PLCB1: variants seen among roughly 807,000 people sequenced by gnomAD.
PLCB1 encodes 1-phosphatidylinositol 4,5-bisphosphate phosphodiesterase beta-1.
In PLCB1, 46 loss-of-function variants were observed where a neutral mutation model predicts 161.8. The observed-to-expected ratio is 0.28, with a 90% CI of 0.22 to 0.36. The LOEUF (loss-of-function observed/expected upper bound fraction) is 0.36, where lower values mean the gene tolerates loss of function less well. Ranked by LOEUF, PLCB1 falls within the 10% of genes least tolerant of loss-of-function variation. PLCB1 has a pLI of 1.00. For synonymous variants in PLCB1, 517 were observed against 503.7 expected, an observed-to-expected ratio of 1.03 and a Z score of -0.35; for missense variants, 1,016 against 1,472.5, an observed-to-expected ratio of 0.69 and a Z score of 5.07.
chr20:8,819,671 T>C (rs996866573), intron 31 of PLCB1, among the ~76,000 whole-genome samples: 13 of 152,126 alleles, frequency 8.5e-5, no homozygotes, highest in African/African-American at 3.1e-4. Context: ...CCCGCCCAGA[T>C]ACCAAAACCT....
At chr20:8,519,101 A>C (rs1476978612) in intron 3 of PLCB1, among the ~76,000 whole-genome samples, 1 of 152,142 alleles carries the variant, frequency 6.6e-6, no homozygotes, top group Admixed American at 6.5e-5. Flanking sequence ...GGTTCTTAGC[A>C]GGCCACAGAC....
chr20:8,578,719 C>G (rs1474143569), intron 3 of PLCB1, among the ~76,000 whole-genome samples: 1 of 152,164 alleles, frequency 6.6e-6, no homozygotes, highest in African/African-American at 2.4e-5. Flanking sequence ...CATTCGGGGT[C>G]ATTACAAAAG....
In PLCB1 at chr20:8,793,541, A is replaced by G. The variant is rs1005753239; in HGVS notation, c.3423+3280A>G. Among the ~76,000 whole-genome samples, 11 of 85,806 alleles carry G rather than the reference A, an allele frequency of 1.3e-4. No individual in the cohort carries two copies. The Admixed American group carries it at 1.6e-3, about 12-fold the overall frequency. The allele number at this position is 85,806 out of a possible 152,430, so 56.3% of individuals were successfully genotyped here. A position where few individuals can be genotyped will look rare whatever the true frequency, so the allele number is the denominator to read the frequency against. On this transcript the variant is annotated intron_variant, in intron 31 of 31. Coordinates refer to ENST00000338037, the MANE Select transcript of PLCB1 (RefSeq NM_015192.4). ...ACATCACACGTTGGTAGGATCCGTG[A>G]TGCCCCCACAAGCCGCAAAAACCAG...
chr20:8,641,506 G>A (rs981576080), intron 4 of PLCB1, among the ~76,000 whole-genome samples: 7 of 152,132 alleles, frequency 4.6e-5, no homozygotes, highest in South Asian at 4.1e-4. Context: ...CTTTCCTTCC[G>A]TCTGCTTTCC....
chr20:8,707,759 G>C (rs1978768339), intron 11 of PLCB1, among the ~76,000 whole-genome samples: 1 of 152,128 alleles, frequency 6.6e-6, no homozygotes, highest in African/African-American at 2.4e-5. Context: ...TTGGGGAATG[G>C]TTAAATCAAT....
intron 3 of PLCB1, among the ~76,000 whole-genome samples, chr20:8,492,484 T>TTG (rs1189904423): frequency 1.3e-5 from 2 of 150,810 alleles, no homozygotes; most frequent in African/African-American, 4.9e-5. Context: ...GTGTGTGTGT[T>TTG]TGTGTGTGTG....
At chr20:8,316,408 G>A (rs1318757831) in intron 2 of PLCB1, among the ~76,000 whole-genome samples, 2 of 152,066 alleles carry the variant, frequency 1.3e-5, no homozygotes, top group Non-Finnish European at 2.9e-5. Flanking sequence ...TGGAGAGAGC[G>A]ATCTTGCCTG....
intron 31 of PLCB1, among the ~76,000 whole-genome samples, chr20:8,823,602 A>T (rs1177941582): frequency 6.6e-6 from 1 of 152,160 alleles, no homozygotes; most frequent in Non-Finnish European, 1.5e-5. Context: ...TCAACTATTG[A>T]TATTTGATTT....
chr20:8,194,881 T>C (rs1256458812), intron 2 of PLCB1, among the ~76,000 whole-genome samples: 2 of 152,100 alleles, frequency 1.3e-5, no homozygotes, highest in South Asian at 2.1e-4. Flanking sequence ...TCCATCTGTC[T>C]TACATTAGAC....
chr20:8,456,895 C>T (rs1046490895), intron 3 of PLCB1, among the ~76,000 whole-genome samples: 10 of 152,124 alleles, frequency 6.6e-5, no homozygotes, highest in African/African-American at 2.2e-4. Context: ...GAGGGCATCA[C>T]CCTCAGGACC....
chr20:8,808,655 A>C (rs1316166748), intron 31 of PLCB1, among the ~76,000 whole-genome samples: 1 of 152,230 alleles, frequency 6.6e-6, no homozygotes, highest in East Asian at 1.9e-4. Context: ...TGACTTGCAT[A>C]GTGATAGATA....
intron 2 of PLCB1, among the ~76,000 whole-genome samples, chr20:8,327,504 G>C (rs1985203816): frequency 6.6e-6 from 1 of 152,184 alleles, no homozygotes; most frequent in Non-Finnish European, 1.5e-5. Context: ...CTTAATGCAA[G>C]AGTTCAACCA....
intron 2 of PLCB1, among the ~76,000 whole-genome samples, chr20:8,275,569 G>A (rs1005289748): frequency 6.6e-6 from 1 of 152,134 alleles, no homozygotes. Flanking sequence ...AGAAATTTCT[G>A]TTATTTTCTT....
At chr20:8,279,442 A>T (rs1307870545) in intron 2 of PLCB1, among the ~76,000 whole-genome samples, 1 of 152,214 alleles carries the variant, frequency 6.6e-6, no homozygotes, top group East Asian at 1.9e-4. Context: ...ATTACAAGGG[A>T]CTGGGGAGAA....
At chr20:8,425,651 C>T (rs1469586183) in intron 3 of PLCB1, among the ~76,000 whole-genome samples, 2 of 152,102 alleles carry the variant, frequency 1.3e-5, no homozygotes, top group African/African-American at 4.8e-5. Context: ...AGAAAAAAAT[C>T]ATGTTATCTT....
chr20:8,560,285 C>T (rs1173754079), intron 3 of PLCB1, among the ~76,000 whole-genome samples: 2 of 151,958 alleles, frequency 1.3e-5, no homozygotes, highest in Non-Finnish European at 2.9e-5. Flanking sequence ...ACATTGACAT[C>T]ACCTGTGAGC....
rs113372552 is a variant in PLCB1, at chr20:8,540,082, T to G, written c.247-88212T>G. Among the ~76,000 whole-genome samples the G allele has an allele frequency of 9.2e-5, 14 of 152,278 alleles. No individual in the cohort carries two copies. In the East Asian group the frequency reaches 2.5e-3, roughly 27 times the overall value. ...TTTCAACATAGGACAACACAGTCAG[T>G]GAGGCTAACAAGAATGATATCAATT... On this transcript the variant is annotated intron_variant, in intron 3 of 31. Transcript: ENST00000338037.
intron 11 of PLCB1, among the ~76,000 whole-genome samples, chr20:8,698,658 A>C (rs1990633960): frequency 6.6e-6 from 1 of 152,150 alleles, no homozygotes; most frequent in Non-Finnish European, 1.5e-5. Flanking sequence ...TCTCAGTAAA[A>C]GTTTATTAGA....
intron 20 of PLCB1, among the ~76,000 whole-genome samples, chr20:8,738,528 C>A: frequency 6.6e-6 from 1 of 151,174 alleles, no homozygotes; most frequent in African/African-American, 2.4e-5. Context: ...CACATGTACC[C>A]AAAAACTTAA....
Sources: gnomAD v4.1 joint callset for allele counts (sites outside exome capture counted in the v4.1 genomes callset) on GRCh38, gnomAD v4.1.1 for gene constraint, MANE v1.5 for transcripts, NCBI Gene and HGNC (gene_info 2026-07-23, HGNC 2026-07-21) for gene names.